Variants in RRP12 observed in about 807,000 individuals in gnomAD.
RRP12 encodes the protein RRP12-like protein.
In RRP12, 78 loss-of-function variants were observed where a neutral mutation model predicts 157.3. That is an observed-to-expected ratio of 0.50 (90% confidence interval 0.41 to 0.60). The LOEUF (loss-of-function observed/expected upper bound fraction) is 0.60, where lower values mean the gene tolerates loss of function less well. Ranked by LOEUF, RRP12 falls within the 20% of genes least tolerant of loss-of-function variation. The probability of loss-of-function intolerance (pLI) is 0.00; values close to 1 mark genes in which losing one functional copy is unlikely to be tolerated. For synonymous variants in RRP12, 726 were observed against 670.9 expected (o/e 1.08, Z -1.27); for missense variants, 1,521 against 1,679.9 (o/e 0.91, Z 1.65).
In RRP12 at chr10:97,390,459, A is replaced by G; in HGVS notation, c.717T>C (p.His239=). 1.2e-6 allele frequency: 2 copies of G among 1,614,144 alleles called. No homozygotes were observed. The highest frequency in any genetic ancestry group is 1.7e-6 in the Non-Finnish European group (2 of 1,180,008). The change falls in exon 6 of 34, where the codon CAT becomes CAC. Residue 239 remains histidine, a synonymous_variant. Transcript: ENST00000370992. The part of the protein sequence containing the change: ...WGYPVTLQVY[H]GLLSFTVHPK... ...GATGCACCGTGAAGCTCAGCAGCCCATGGTACACCTGAAGGGTCACGGGGT... is the reference window on the plus strand; with the variant it reads ...GATGCACCGTGAAGCTCAGCAGCCCGTGGTACACCTGAAGGGTCACGGGGT...
In RRP12 at chr10:97,366,559, C is replaced by A. The variant is rs1422244878; in HGVS notation, c.3278G>T (p.Arg1093Leu). Residue 1093 changes from arginine to leucine, a missense_variant, in exon 28 of 34, where the codon CGA (arginine) becomes CTA (leucine). Arg to Leu is a moderately radical substitution (Grantham distance 102, BLOSUM62 -2). Transcript: ENST00000370992. ...EEDNEEEERS[R>L]GKEQRKLARQ... ...TGCCAGCTTCCGCTGCTCCTTGCCT[C>A]GGCTTCTTTCCTCCTCCTCATTGTC... 4 of 1,614,130 alleles carry A rather than the reference C, an allele frequency of 2.5e-6. No individual in the cohort carries two copies. The highest frequency in any genetic ancestry group is 3.4e-6 in the Non-Finnish European group (4 of 1,180,050).
At chr10:97,395,207 T>TACACACACACACACAC (rs1554882670) in intron 3 of RRP12, among the ~76,000 whole-genome samples, 6 of 149,856 alleles carry the variant, frequency 4.0e-5, no homozygotes, top group Non-Finnish European at 5.9e-5. Context: ...TATACACATA[T>TACACACACACACACAC]ACACACACAC....
At chr10:97,369,734 A>G (rs1319762786) in intron 24 of RRP12, 152 bp from the exon 25 acceptor site, 2 of 825,174 alleles carry the variant, frequency 2.4e-6, no homozygotes, top group Admixed American at 2.7e-5. Flanking sequence ...CGCTCCATGG[A>G]GTGGTCTTGG....
Position 97,366,165 on chromosome 10 carries a change from G to A in RRP12, c.3460C>T (p.Leu1154=). ...HGFKVSADGR[L]IIREEADGNK... is the part of the protein sequence containing the mutation. ...CCGTCTGCCTCCTCCCTTATGATCA[G>A]CCGGCCATCGGCGCTCACCTTGAAG... Residue 1154 remains leucine, a synonymous_variant, in exon 29 of 34, where the codon CTG becomes TTG. Coordinates refer to ENST00000370992, the MANE Select transcript of RRP12 (RefSeq NM_015179.4). 3 of 1,609,134 alleles carry A rather than the reference G, an allele frequency of 1.9e-6. No individual in the cohort carries two copies. The highest frequency in any genetic ancestry group is 1.7e-6 in the Non-Finnish European group (2 of 1,179,926).
rs770477818 is a variant in RRP12 at position 97,369,514 on chromosome 10, G to A, written c.2866C>T (p.Arg956Cys). ...CCCAGTGCAGACTTGACCACGTCAC[G>A]GGTGCGGGAGGCCAGAAGCAGGCAC... ...NVCLLLASRT[R>C]DVVKSALGFI... The change falls in exon 25 of 34, where the codon CGT becomes TGT. Residue 956 changes from arginine to cysteine, a missense_variant. Physicochemically the swap from Arg to Cys is radical, Grantham distance 180 (BLOSUM62 -3). Transcript: ENST00000370992. The A allele has an allele frequency of 1.1e-5, 17 of 1,601,428 alleles. No individual in the cohort carries two copies. The highest frequency in any genetic ancestry group is 2.2e-5 in the South Asian group (2 of 88,948).
At chr10:97,372,023 C>T in intron 20 of RRP12, 50 bp downstream of exon 20, 1 of 1,314,738 alleles carries the variant, frequency 7.6e-7, no homozygotes, top group Non-Finnish European at 1.1e-6. Context: ...TCCCACAGCC[C>T]ATCTGCCCCC....
Position 97,388,619 on chromosome 10 carries a change from C to T in RRP12, c.759G>A (p.Arg253=). The part of the protein sequence containing the change: ...SFTVHPKPKI[R]KAAQHGVCSV... ...AGCATACTCCATGCTGGGCAGCCTT[C>T]CGGATCTGAGGGGCAAGGAGAGCAG... is the stretch of plus-strand genomic sequence containing the variant. The change falls in exon 7 of 34, where the codon CGG becomes CGA. Residue 253 remains arginine, a synonymous_variant. Coordinates refer to ENST00000370992, the MANE Select transcript of RRP12 (RefSeq NM_015179.4). The T allele has an allele frequency of 1.2e-6, 2 of 1,613,964 alleles. No homozygotes were observed. Among genetic ancestry groups the T allele is most frequent in the South Asian group, 2.2e-5 (2 of 91,076 alleles).
chr10:97,371,717 G>A (rs1479388591), intron 20 of RRP12: 3 of 219,414 alleles, frequency 1.4e-5, no homozygotes, highest in Non-Finnish European at 2.8e-5. Context: ...TATCAGGGAG[G>A]CTTAAGGCAG....
At chr10:97,395,646 C>T (rs1440454304) in intron 3 of RRP12, among the ~76,000 whole-genome samples, 3 of 151,538 alleles carry the variant, frequency 2.0e-5, no homozygotes, top group Admixed American at 6.6e-5. Flanking sequence ...GTCAGGAGTT[C>T]GAGACAAGTC....
intron 23 of RRP12, 25 bp downstream of exon 23, chr10:97,370,430 C>T: frequency 6.5e-7 from 1 of 1,536,896 alleles, no homozygotes; most frequent in Non-Finnish European, 8.9e-7. Flanking sequence ...AGCAGAGTGT[C>T]CACCCCCAGC....
intron 30 of RRP12, among the ~76,000 whole-genome samples, chr10:97,362,416 C>T (rs150350824): frequency 3.0e-4 from 46 of 152,338 alleles, no homozygotes; most frequent in African/African-American, 1.1e-3. Context: ...ATAATCAAGT[C>T]ACAATGGCTT....
At chr10:97,383,697 A>C (rs1844531951) in intron 10 of RRP12, among the ~76,000 whole-genome samples, 1 of 152,242 alleles carries the variant, frequency 6.6e-6, no homozygotes. Context: ...GCAGACACAA[A>C]GCAGAAAGTC....
chr10:97,357,315 G>A (rs1843736986), intron 33 of RRP12, 119 bp from the exon 34 acceptor site: 2 of 627,884 alleles, frequency 3.2e-6, no homozygotes, highest in Admixed American at 3.0e-5. Flanking sequence ...TCCAGGTGGT[G>A]GCCAGCACAT....
rs1193127592 is a variant in RRP12, at chr10:97,370,294, T to G, written c.2690-20A>C. The G allele has an allele frequency of 6.4e-6, 10 of 1,558,302 alleles. No homozygotes were observed. Among genetic ancestry groups the G allele is most frequent in the Non-Finnish European group, 8.7e-6 (10 of 1,144,976 alleles). Reference sequence around the variant, plus strand: ...GGGCCTCTGGGGACAGAGACCAACGTGGGTCAAGCAGGAAGGACCCACCAG... The same window carrying G: ...GGGCCTCTGGGGACAGAGACCAACGGGGGTCAAGCAGGAAGGACCCACCAG... On this transcript the variant is annotated intron_variant, in intron 23 of 33. Coordinates refer to ENST00000370992, the MANE Select transcript of RRP12 (RefSeq NM_015179.4).
At chr10:97,393,656 T>C (rs1844873962) in intron 4 of RRP12, 28 bp downstream of exon 4, 2 of 1,592,516 alleles carry the variant, frequency 1.3e-6, no homozygotes, top group Non-Finnish European at 1.7e-6. Flanking sequence ...CAAAAAGCCT[T>C]GGGGTTCAAA....
chr10:97,382,422 G>A (rs1844496636), intron 10 of RRP12, among the ~76,000 whole-genome samples: 1 of 152,158 alleles, frequency 6.6e-6, no homozygotes, highest in Non-Finnish European at 1.5e-5. Flanking sequence ...TGTGATTACA[G>A]GCATAAGCCA....
At chr10:97,401,028 C>T (rs530551485) in intron 1 of RRP12, 65 bp downstream of exon 1, 63 of 1,576,566 alleles carry the variant, frequency 4.0e-5, no homozygotes, top group Admixed American at 3.4e-4. Flanking sequence ...AGGCCCCAGA[C>T]TCATCTGGAC....
At position 97,375,875 on chromosome 10, in the gene RRP12, G is replaced by A. The variant is rs576651007; in HGVS notation, c.1799-1981C>T. ...TCCCAGCACTTTGGGAGGCCAAGGC[G>A]GGTGGATCACTTGAGGTCAGGAGTC... On this transcript the variant is annotated intron_variant, in intron 15 of 33. Transcript: ENST00000370992. Among the ~76,000 whole-genome samples the A allele has an allele frequency of 5.3e-4, 80 of 152,274 alleles. 3 individuals are homozygous for A. The South Asian group carries it at 0.013, about 25-fold the overall frequency.
intron 11 of RRP12, 92 bp from the exon 12 acceptor site, chr10:97,381,575 A>C: frequency 8.1e-7 from 1 of 1,241,994 alleles, no homozygotes; most frequent in South Asian, 1.4e-5. Context: ...GAGTCTAAGA[A>C]AGCTTCGAAG....
Sources: gnomAD v4.1 joint callset for allele counts (sites outside exome capture counted in the v4.1 genomes callset) on GRCh38, gnomAD v4.1.1 for gene constraint, MANE v1.5 for transcripts, NCBI Gene and HGNC (gene_info 2026-07-23, HGNC 2026-07-21) for gene names.